HDX: variants seen among roughly 807,000 people sequenced by gnomAD.
The protein encoded by HDX is chromosome X open reading frame 43.
In HDX, 19 loss-of-function variants were observed where a neutral mutation model predicts 45.2. The observed-to-expected ratio is 0.42, with a 90% CI of 0.29 to 0.62. The LOEUF (loss-of-function observed/expected upper bound fraction) is 0.62, where lower values mean the gene tolerates loss of function less well. Ranked by LOEUF, HDX falls within the 20% of genes least tolerant of loss-of-function variation. HDX has a pLI of 0.20. For synonymous variants in HDX, 188 were observed against 172.8 expected (o/e 1.09, Z -0.69); for missense variants, 532 against 493.9 (o/e 1.08, Z -0.73).
intron 5 of HDX, among the ~76,000 whole-genome samples, chrX:84,406,537 C>CTATG (rs2038833674): frequency 1.4e-4 from 1 of 7,329 alleles, no homozygotes; most frequent in African/African-American, 1.7e-4. Context: ...CACACACACT[C>CTATG]TATGTATCTA....
At chrX:84,476,792 C>A (rs923980200) in intron 2 of HDX, among the ~76,000 whole-genome samples, 1 of 111,606 alleles carries the variant, frequency 9.0e-6, no homozygotes, top group Non-Finnish European at 1.9e-5. Context: ...CCAGTGCAAT[C>A]TGTACACCTG....
At chrX:84,332,512 A>G (rs1032911389) in intron 9 of HDX, among the ~76,000 whole-genome samples, 3 of 110,731 alleles carry the variant, frequency 2.7e-5, no homozygotes, top group African/African-American at 9.8e-5. Context: ...CCAAGAGGGG[A>G]GAGGTCTTGG....
chrX:84,466,972 CTAT>C (rs1254594441), intron 4 of HDX, among the ~76,000 whole-genome samples: 1 of 111,090 alleles, frequency 9.0e-6, no homozygotes, highest in Non-Finnish European at 1.9e-5. Context: ...ATTGTTACTA[CTAT>C]TATTAAGAAC....
At chrX:84,397,896 A>G (rs978593477) in intron 5 of HDX, among the ~76,000 whole-genome samples, 2 of 111,387 alleles carry the variant, frequency 1.8e-5, no homozygotes, top group Middle Eastern at 9.2e-3. Flanking sequence ...CAAATGTAGA[A>G]CCTGAAAGAT....
chrX:84,450,254 A>G (rs1198721561), intron 4 of HDX, among the ~76,000 whole-genome samples: 2 of 111,390 alleles, frequency 1.8e-5, no homozygotes, highest in African/African-American at 6.5e-5. Context: ...GGCTAAATGG[A>G]CAACAACAAA....
chrX:84,437,694 C>T (rs966272929), intron 5 of HDX, among the ~76,000 whole-genome samples: 3 of 110,871 alleles, frequency 2.7e-5, no homozygotes, highest in Non-Finnish European at 5.7e-5. Context: ...AACTAGTGTC[C>T]TTCGGTGGAA....
chrX:84,376,106 C>G (rs1392122079), intron 5 of HDX, among the ~76,000 whole-genome samples: 1 of 112,163 alleles, frequency 8.9e-6, no homozygotes, highest in Non-Finnish European at 1.9e-5. Flanking sequence ...GGCCCTAGCT[C>G]CCAGACATTT....
chrX:84,418,015 T>C (rs1287562269), intron 5 of HDX, among the ~76,000 whole-genome samples: 1 of 111,867 alleles, frequency 8.9e-6, no homozygotes, highest in Non-Finnish European at 1.9e-5. Flanking sequence ...GAAAACACTA[T>C]ATTATGGGTT....
Position 84,468,819 on chromosome X carries a change from C to T in HDX, c.904G>A (p.Asp302Asn), listed in dbSNP as rs766504148. 9.9e-6 allele frequency: 12 copies of T among 1,209,611 alleles called. No homozygotes were observed. The East Asian group carries it at 1.8e-4, about 18-fold the overall frequency. ...TCTCTGGCATATTCATCCTCAGCAT[C>T]TCCAGTCTCCATTGCAATGGACAAA... is the stretch of plus-strand genomic sequence containing the variant. ...NCLSIAMETGDAEDEYAREEE... is the reference protein window; with the variant it reads ...NCLSIAMETGNAEDEYAREEE... The change falls in exon 4 of 11, where the codon GAT (aspartate) becomes AAT (asparagine). Residue 302 changes from aspartate (D) to asparagine (N), a missense_variant. Coordinates refer to ENST00000373177, the MANE Select transcript of HDX (RefSeq NM_001177479.2).
At chrX:84,472,268 T>C (rs1305921466) in intron 3 of HDX, among the ~76,000 whole-genome samples, 2 of 111,431 alleles carry the variant, frequency 1.8e-5, no homozygotes, top group Admixed American at 9.6e-5. Context: ...GTTTCTTATA[T>C]AGCTTGATAG....
chrX:84,442,451 T>A (rs897213963), intron 4 of HDX, among the ~76,000 whole-genome samples: 1 of 110,723 alleles, frequency 9.0e-6, no homozygotes, highest in Non-Finnish European at 1.9e-5. Context: ...CTCCAAATAA[T>A]ACTTTTAAGG....
chrX:84,478,437 T>A lies in HDX; in HGVS notation c.1-3040A>T, dbSNP rs574197694. On this transcript the variant is annotated intron_variant, in intron 2 of 10. Transcript: ENST00000373177. ...GGCCATATTTTCACATGGAAACACT[T>A]GAGATAAATTCCTATATGATGTAAC... Among the ~76,000 whole-genome samples, 62 of 111,934 alleles carry A rather than the reference T, an allele frequency of 5.5e-4. 1 individual carries two copies. The South Asian group carries it at 0.021, about 37-fold the overall frequency.
At chrX:84,328,768 C>T (rs970028952) in intron 9 of HDX, among the ~76,000 whole-genome samples, 2 of 111,748 alleles carry the variant, frequency 1.8e-5, no homozygotes, top group African/African-American at 3.3e-5. Flanking sequence ...GTTGACAAAA[C>T]GTGTCAACCT....
At chrX:84,402,375 T>C (rs2038726422) in intron 5 of HDX, among the ~76,000 whole-genome samples, 1 of 111,880 alleles carries the variant, frequency 8.9e-6, no homozygotes, top group African/African-American at 3.2e-5. Context: ...AATATTATAG[T>C]ACCATATAGA....
At chrX:84,345,632 T>C (rs2037184646) in intron 6 of HDX, among the ~76,000 whole-genome samples, 1 of 111,774 alleles carries the variant, frequency 8.9e-6, no homozygotes, top group South Asian at 3.7e-4. Flanking sequence ...TAGTTTCTAT[T>C]TTTCTAGGAT....
At chrX:84,492,932 G>T (rs2040920652) in intron 1 of HDX, among the ~76,000 whole-genome samples, 1 of 100,664 alleles carries the variant, frequency 9.9e-6, no homozygotes, top group South Asian at 4.7e-4. Context: ...TTTTTTCTGA[G>T]ATGGAGCTTC....
chrX:84,370,585 C>T (rs1396187482), intron 5 of HDX, among the ~76,000 whole-genome samples: 3 of 112,027 alleles, frequency 2.7e-5, no homozygotes, highest in African/African-American at 9.7e-5. Context: ...TCCAAATATA[C>T]CATATGTGAG....
intron 5 of HDX, among the ~76,000 whole-genome samples, chrX:84,421,777 C>A (rs149759751): frequency 0.011 from 1,252 of 110,955 alleles, 6 homozygotes; most frequent in Non-Finnish European, 0.017. Context: ...ATATTTATAT[C>A]AGACAAAATA....
intron 5 of HDX, among the ~76,000 whole-genome samples, chrX:84,378,795 C>T (rs762313398): frequency 5.4e-5 from 6 of 111,086 alleles, no homozygotes; most frequent in African/African-American, 2.0e-4. Flanking sequence ...GGAGTAAGTC[C>T]TTACTTATTG....
Sources: gnomAD v4.1 joint callset for allele counts (sites outside exome capture counted in the v4.1 genomes callset) on GRCh38, gnomAD v4.1.1 for gene constraint, MANE v1.5 for transcripts, NCBI Gene and HGNC (gene_info 2026-07-23, HGNC 2026-07-21) for gene names.